The following GOT2 variants were observed in gnomAD, a reference collection of about 807,000 sequenced individuals.
The protein encoded by GOT2 is glutamic-oxaloacetic transaminase 2, also known as aspartate aminotransferase, mitochondrial.
GOT2 carries 17 observed loss-of-function variants against 50.0 expected under a neutral mutation model. The ratio of observed to expected loss-of-function variants is 0.34; its 90% CI spans 0.23 to 0.51. GOT2 has a LOEUF of 0.51. Ranked by LOEUF, GOT2 falls within the 20% of genes least tolerant of loss-of-function variation. The probability of loss-of-function intolerance (pLI) is 0.97; values close to 1 mark genes in which losing one functional copy is unlikely to be tolerated. For synonymous variants in GOT2, 172 were observed against 204.9 expected (o/e 0.84, Z 1.37); for missense variants, 430 against 559.6 (o/e 0.77, Z 2.34).
At chr16:58,724,319 G>A (rs2152096763) in intron 1 of GOT2, among the ~76,000 whole-genome samples, 1 of 147,314 alleles carries the variant, frequency 6.8e-6, no homozygotes, top group Admixed American at 6.8e-5. Flanking sequence ...GTCTCGCTCT[G>A]TCACCCAGGC....
rs890847381 is a variant in GOT2, at chr16:58,712,826, G to C, written c.1019+3188C>G. Among the ~76,000 whole-genome samples, 3 of 152,158 alleles carry C rather than the reference G, an allele frequency of 2.0e-5. No individual in the cohort carries two copies. In the South Asian group the frequency reaches 6.2e-4, roughly 32 times the overall value. ...ATGTCACAACTACAGATAACAATGG[G>C]TGGCTGGGCGCAGTGGTTCACGCCT... On this transcript the variant is annotated intron_variant, in intron 8 of 9. Transcript: ENST00000245206.
At chr16:58,720,091 C>T (rs12932751) in intron 3 of GOT2, among the ~76,000 whole-genome samples, 8,051 of 152,242 alleles carry the variant, frequency 0.053, 280 homozygotes, top group South Asian at 0.085. Context: ...ATCCCAGCTA[C>T]TCAGGAAGGC....
At position 58,708,117 on chromosome 16, in the gene GOT2, A is replaced by G. The variant is rs1386007041; in HGVS notation, c.*54T>C. The G allele has an allele frequency of 6.3e-7, 1 of 1,586,016 alleles. No individual in the cohort carries two copies. Among genetic ancestry groups the G allele is most frequent in the Non-Finnish European group, 8.6e-7 (1 of 1,162,158 alleles). On this transcript the variant is annotated 3_prime_UTR_variant, in exon 10 of 10. Coordinates refer to ENST00000245206, the MANE Select transcript of GOT2 (RefSeq NM_002080.4). ...CTCTCATTGTCTGTGTGAAGCTCTC[A>G]ATAGCAGAGGCTGAAGACAGAAAGG...
chr16:58,729,508 A>AAAAAAG (rs2044815362), intron 1 of GOT2, among the ~76,000 whole-genome samples: 2 of 151,268 alleles, frequency 1.3e-5, no homozygotes, highest in Non-Finnish European at 2.9e-5. Context: ...GAAAAAAAAA[A>AAAAAAG]AAAAAGAAAA....
At chr16:58,729,799 G>A (rs978657086) in intron 1 of GOT2, among the ~76,000 whole-genome samples, 5 of 151,744 alleles carry the variant, frequency 3.3e-5, no homozygotes, top group Admixed American at 2.0e-4. Flanking sequence ...GAATGTCCCC[G>A]CAGGCCCACC....
intron 4 of GOT2, 84 bp downstream of exon 4, chr16:58,719,112 G>T: frequency 3.2e-6 from 3 of 946,448 alleles, no homozygotes; most frequent in Non-Finnish European, 5.2e-6. Context: ...ATCTACTTCT[G>T]CATCAACAGT....
At chr16:58,717,811 C>T (rs1376335329) in intron 6 of GOT2, among the ~76,000 whole-genome samples, 1 of 152,184 alleles carries the variant, frequency 6.6e-6, no homozygotes, top group Non-Finnish European at 1.5e-5. Flanking sequence ...CTGCCTCAGC[C>T]TCCCAAGTAG....
At chr16:58,719,620 T>C (rs1206465147) in intron 3 of GOT2, among the ~76,000 whole-genome samples, 1 of 151,894 alleles carries the variant, frequency 6.6e-6, no homozygotes, top group Non-Finnish European at 1.5e-5. Context: ...CTGGGCATGG[T>C]GGCGCATGCC....
At chr16:58,723,157 G>A (rs751194358) in intron 2 of GOT2, among the ~76,000 whole-genome samples, 1 of 152,134 alleles carries the variant, frequency 6.6e-6, no homozygotes, top group Admixed American at 6.5e-5. Flanking sequence ...GTACAATAGT[G>A]CTTGGTAGTG....
intron 1 of GOT2, 99 bp downstream of exon 1, chr16:58,734,041 G>C (rs1038269595): frequency 1.9e-6 from 1 of 526,434 alleles, no homozygotes; most frequent in African/African-American, 1.9e-5. Flanking sequence ...GAGTGACAGT[G>C]TGTATTTGGG....
In GOT2 at chr16:58,708,170, A is replaced by G; in HGVS notation, c.*1T>C. On this transcript the variant is annotated 3_prime_UTR_variant, in exon 10 of 10. Coordinates refer to ENST00000245206, the MANE Select transcript of GOT2 (RefSeq NM_002080.4). Reference sequence around the variant, plus strand: ...GTCTCTGTTTCCTCGCACCAGGGACATTACTTGGTGACCTGGTGAATGGCA... The same window carrying G: ...GTCTCTGTTTCCTCGCACCAGGGACGTTACTTGGTGACCTGGTGAATGGCA... 6.2e-7 allele frequency: 1 copy of G among 1,613,974 alleles called. No homozygotes were observed. Among genetic ancestry groups the G allele is most frequent in the Non-Finnish European group, 8.5e-7 (1 of 1,179,906 alleles).
Position 58,718,536 on chromosome 16 carries a change from C to A in GOT2, c.588G>T (p.Glu196Asp), listed in dbSNP as rs750086052. The part of the protein sequence containing the change: ...TCGFDFTGAV[E>D]DISKIPEQSV... ...TGAAAGCCACACTTACTGAAATATCCTCCACAGCGCCTGTGAAGTCAAAAC... is the reference window on the plus strand; with the variant it reads ...TGAAAGCCACACTTACTGAAATATCATCCACAGCGCCTGTGAAGTCAAAAC... Residue 196 changes from glutamate to aspartate, a missense_variant, in exon 5 of 10, where the codon GAG (glutamate) becomes GAT (aspartate). Physicochemically the swap from Glu to Asp is conservative, Grantham distance 45 (BLOSUM62 2). Coordinates refer to ENST00000245206, the MANE Select transcript of GOT2 (RefSeq NM_002080.4). 1 of 1,577,382 alleles carries A rather than the reference C, an allele frequency of 6.3e-7. No homozygotes were observed. The highest frequency in any genetic ancestry group is 2.2e-5 in the East Asian group (1 of 44,500).
chr16:58,712,069 C>T (rs1004451039), intron 8 of GOT2, among the ~76,000 whole-genome samples: 8 of 152,016 alleles, frequency 5.3e-5, no homozygotes, highest in Middle Eastern at 6.8e-3. Context: ...TTTCCTTGTC[C>T]GTTTCATTTC....
At chr16:58,718,885 C>A (rs1172954267) in intron 4 of GOT2, among the ~76,000 whole-genome samples, 197 bp from the exon 5 acceptor site, 2 of 152,136 alleles carry the variant, frequency 1.3e-5, no homozygotes, top group African/African-American at 4.8e-5. Context: ...TAGCCAAGGA[C>A]CTTTCTGGGT....
intron 8 of GOT2, among the ~76,000 whole-genome samples, chr16:58,710,235 CATCACCCAGTCTCAGTCT>C (rs937482706): frequency 6.6e-6 from 1 of 151,768 alleles, no homozygotes; most frequent in African/African-American, 2.4e-5. Flanking sequence ...AGATACAGTC[CATCACCCAGTCTCAGTCT>C]ATCACCCAGG....
intron 8 of GOT2, among the ~76,000 whole-genome samples, chr16:58,710,693 AAC>A (rs566319519): frequency 1.3e-5 from 2 of 149,624 alleles, no homozygotes. Flanking sequence ...CATCCTGGCT[AAC>A]ACGGTGAAAC....
chr16:58,723,718 T>C (rs773765621), intron 2 of GOT2, 28 bp downstream of exon 2: 2 of 1,591,804 alleles, frequency 1.3e-6, no homozygotes, highest in South Asian at 2.2e-5. Context: ...ATTCATCCCA[T>C]TCAAAAGGAG....
intron 3 of GOT2, among the ~76,000 whole-genome samples, chr16:58,721,434 A>G (rs2044739265): frequency 6.6e-6 from 1 of 152,156 alleles, no homozygotes; most frequent in Non-Finnish European, 1.5e-5. Flanking sequence ...CAGTCCACCC[A>G]TGGCTTGTTT....
At chr16:58,721,239 T>C (rs1457499107) in intron 3 of GOT2, among the ~76,000 whole-genome samples, 1 of 152,224 alleles carries the variant, frequency 6.6e-6, no homozygotes, top group African/African-American at 2.4e-5. Flanking sequence ...CTAGTTTGTA[T>C]GTTTCTTCAC....
Sources: gnomAD v4.1 joint callset for allele counts (sites outside exome capture counted in the v4.1 genomes callset) on GRCh38, gnomAD v4.1.1 for gene constraint, MANE v1.5 for transcripts, NCBI Gene and HGNC (gene_info 2026-07-23, HGNC 2026-07-21) for gene names.